Variants in RBM26 observed in about 807,000 individuals in gnomAD.
RBM26 encodes RNA-binding protein 26.
A neutral mutation model predicts 123.6 loss-of-function variants in RBM26; 30 were observed. The ratio of observed to expected loss-of-function variants is 0.24; its 90% confidence interval spans 0.18 to 0.33. The LOEUF (loss-of-function observed/expected upper bound fraction) is 0.33. Ranked by LOEUF, RBM26 falls within the 10% of genes least tolerant of loss-of-function variation. RBM26 has a pLI of 1.00. For synonymous variants in RBM26, 400 were observed against 404.4 expected, an observed-to-expected ratio of 0.99 and a Z score of 0.13; for missense variants, 947 against 1,203.6, an observed-to-expected ratio of 0.79 and a Z score of 3.15.
intron 1 of RBM26, among the ~76,000 whole-genome samples, chr13:79,404,987 T>C (rs1356502349): frequency 6.6e-6 from 1 of 152,230 alleles, no homozygotes; most frequent in African/African-American, 2.4e-5. Context: ...CTTTGGTCCA[T>C]GTCATATTTT....
At position 79,395,599 on chromosome 13, in the gene RBM26, A is replaced by G. The variant is rs114703806; in HGVS notation, c.71+10105T>C. ...TACAAAAAAAAATAAAAATTAAATTAAAAAATTAGCTGGGTGTGGTGGTGT... is the reference window on the plus strand; with the variant it reads ...TACAAAAAAAAATAAAAATTAAATTGAAAAATTAGCTGGGTGTGGTGGTGT... On this transcript the variant is annotated intron_variant, in intron 1 of 21. Coordinates refer to ENST00000438737, the MANE Select transcript of RBM26 (RefSeq NM_001366735.2). 6.0e-3 allele frequency among the ~76,000 whole-genome samples: 915 copies of G among 152,080 alleles called. 15 individuals are homozygous for G. Among genetic ancestry groups the G allele is most frequent in the African/African-American group, 0.02 (839 of 41,510 alleles).
intron 20 of RBM26, among the ~76,000 whole-genome samples, chr13:79,324,786 A>G (rs538670284): frequency 1.4e-4 from 22 of 152,122 alleles, no homozygotes; most frequent in African/African-American, 5.1e-4. Flanking sequence ...TATTAAAAAA[A>G]GAAAAAAAAT....
At chr13:79,344,558 G>A in intron 15 of RBM26, 111 bp downstream of exon 15, 1 of 1,013,922 alleles carries the variant, frequency 9.9e-7, no homozygotes, top group Non-Finnish European at 1.4e-6. Flanking sequence ...TTCAGTGGCA[G>A]CCAACAAACA....
At position 79,378,913 on chromosome 13, in the gene RBM26, G is replaced by A; in HGVS notation, c.72-6C>T. 1 of 1,551,612 alleles carries A rather than the reference G, an allele frequency of 6.4e-7. No individual in the cohort carries two copies. The highest frequency in any genetic ancestry group is 8.8e-7 in the Non-Finnish European group (1 of 1,138,060). The stretch of plus-strand genomic sequence containing the variant: ...CGGATGGATCTGCATCACAGCTAAA[G>A]AAAAAAACCAATGTTGAAGAAAATT... On this transcript the variant is annotated splice_polypyrimidine_tract_variant and splice_region_variant and intron_variant, in intron 1 of 21. Coordinates refer to ENST00000438737, the MANE Select transcript of RBM26 (RefSeq NM_001366735.2).
At chr13:79,322,817 C>G (rs1442389927) in intron 20 of RBM26, among the ~76,000 whole-genome samples, 1 of 151,288 alleles carries the variant, frequency 6.6e-6, no homozygotes, top group Non-Finnish European at 1.5e-5. Flanking sequence ...AGATGACAAT[C>G]CCAAGGTACT....
intron 1 of RBM26, among the ~76,000 whole-genome samples, chr13:79,388,285 G>A (rs1438565600): frequency 1.3e-5 from 2 of 152,172 alleles, no homozygotes; most frequent in East Asian, 1.9e-4. Context: ...AAGTAGAGAT[G>A]GGGTTTCACC....
downstream of RBM26, among the ~76,000 whole-genome samples, chr13:79,315,750 A>G (rs2067086969): frequency 1.3e-5 from 2 of 151,900 alleles, no homozygotes; most frequent in African/African-American, 2.4e-5. Context: ...GTGTTTTTCT[A>G]CTAAGCAAGT....
chr13:79,368,269 A>G (rs9593392), intron 6 of RBM26, among the ~76,000 whole-genome samples: 72,566 of 151,986 alleles, frequency 0.48, 17,921 homozygotes, highest in East Asian at 0.72. Context: ...CTCATGATCC[A>G]CCCACCTCAA....
Position 79,319,666 on chromosome 13 carries a change from T to G in RBM26, c.*955A>C. ...TTATTCACCAAATGTTAGCTCTACTTGCAGTCTGGTTCCAAACTAATCAGC... is the reference window on the plus strand; with the variant it reads ...TTATTCACCAAATGTTAGCTCTACTGGCAGTCTGGTTCCAAACTAATCAGC... On this transcript the variant is annotated 3_prime_UTR_variant, in exon 22 of 22. Transcript: ENST00000438737. 1.0e-6 allele frequency: 1 copy of G among 984,166 alleles called. No individual in the cohort carries two copies. The highest frequency in any genetic ancestry group is 1.2e-6 in the Non-Finnish European group (1 of 828,986). The allele number at this position is 984,166 out of a possible 1,614,324, so 61.0% of individuals were successfully genotyped here.
At chr13:79,382,421 C>A (rs1220896229) in intron 1 of RBM26, among the ~76,000 whole-genome samples, 2 of 151,988 alleles carry the variant, frequency 1.3e-5, no homozygotes, top group Non-Finnish European at 2.9e-5. Flanking sequence ...CTGAAATTGC[C>A]TTATAGATCG....
At chr13:79,387,565 A>G (rs1272449606) in intron 1 of RBM26, among the ~76,000 whole-genome samples, 1 of 148,650 alleles carries the variant, frequency 6.7e-6, no homozygotes, top group Non-Finnish European at 1.5e-5. Flanking sequence ...ACTCATTTAA[A>G]AAAAAAAAAA....
intron 1 of RBM26, among the ~76,000 whole-genome samples, chr13:79,402,596 C>G (rs1338316551): frequency 6.6e-6 from 1 of 152,116 alleles, no homozygotes; most frequent in African/African-American, 2.4e-5. Flanking sequence ...TGCCATTCTT[C>G]TCCTTTGCTT....
chr13:79,346,104 T>C (rs1384805174), intron 14 of RBM26, among the ~76,000 whole-genome samples: 1 of 152,202 alleles, frequency 6.6e-6, no homozygotes, highest in Admixed American at 6.5e-5. Context: ...TACTCAAGTT[T>C]AAGAGTATAA....
chr13:79,355,438 T>C lies in RBM26; in HGVS notation c.1690-54A>G, dbSNP rs2073858843. ...ATTTCCAAAGGAATCTGTTGCTTCA[T>C]AGAGTAAAATTCCCCAGTAAGTGAA... On this transcript the variant is annotated intron_variant, in intron 11 of 21. Transcript: ENST00000438737. 8.5e-6 allele frequency: 12 copies of C among 1,417,996 alleles called. No homozygotes were observed. In the South Asian group the frequency reaches 9.8e-5, roughly 12 times the overall value. The allele number at this position is 1,417,996 out of a possible 1,614,324, so 87.8% of individuals were successfully genotyped here.
chr13:79,387,815 CATAA>C (rs568919306), intron 1 of RBM26, among the ~76,000 whole-genome samples: 139 of 152,262 alleles, frequency 9.1e-4, no homozygotes, highest in Admixed American at 2.4e-3. Context: ...CCTTAGAAGG[CATAA>C]ATAAATTCTA....
Position 79,371,500 on chromosome 13 carries a change from T to G in RBM26, c.417-338A>C, listed in dbSNP as rs1475247693. 2.6e-5 allele frequency among the ~76,000 whole-genome samples: 4 copies of G among 152,222 alleles called. No homozygotes were observed. The South Asian group carries it at 8.3e-4, about 32-fold the overall frequency. On this transcript the variant is annotated intron_variant, in intron 4 of 21. Transcript: ENST00000438737. ...CAGACATGTATCACATGCATTGTATTCTAAGTGCTTTTGAAGCCTGAATGA... is the reference window on the plus strand; with the variant it reads ...CAGACATGTATCACATGCATTGTATGCTAAGTGCTTTTGAAGCCTGAATGA...
rs1343306678 is a variant in RBM26, at chr13:79,337,310, A to G, written c.2533-8T>C. Reference sequence around the variant, plus strand: ...AATCCCTCGTTTGGCAGCCTAGAAGAGATTAGACACACAGGTTAAACAATG... The same window carrying G: ...AATCCCTCGTTTGGCAGCCTAGAAGGGATTAGACACACAGGTTAAACAATG... On this transcript the variant is annotated splice_region_variant and splice_polypyrimidine_tract_variant and intron_variant, in intron 18 of 21. Coordinates refer to ENST00000438737, the MANE Select transcript of RBM26 (RefSeq NM_001366735.2). 2 of 1,614,074 alleles carry G rather than the reference A, an allele frequency of 1.2e-6. No homozygotes were observed. The highest frequency in any genetic ancestry group is 1.7e-6 in the Non-Finnish European group (2 of 1,179,954).
chr13:79,329,422 G>A lies in RBM26; in HGVS notation c.2820+4922C>T, dbSNP rs1013876592. Among the ~76,000 whole-genome samples the A allele has an allele frequency of 7.9e-5, 12 of 151,640 alleles. No homozygotes were observed. The South Asian group carries it at 1.3e-3, about 16-fold the overall frequency. On this transcript the variant is annotated intron_variant, in intron 20 of 21. Transcript: ENST00000438737. ...ATGGTAACATACTTAATAGTAATGC[G>A]TACCCCTAGTACCCAAACTGTAGTG...
At chr13:79,391,973 A>G (rs908162246) in intron 1 of RBM26, among the ~76,000 whole-genome samples, 6 of 144,090 alleles carry the variant, frequency 4.2e-5, no homozygotes, top group Non-Finnish European at 7.5e-5. Flanking sequence ...ATTATTATAT[A>G]ATTATATATT....
Sources: gnomAD v4.1 joint callset for allele counts (sites outside exome capture counted in the v4.1 genomes callset) on GRCh38, gnomAD v4.1.1 for gene constraint, MANE v1.5 for transcripts, NCBI Gene and HGNC (gene_info 2026-07-23, HGNC 2026-07-21) for gene names.